The following KSR2 variants were observed in gnomAD, a reference collection of about 807,000 sequenced individuals.
KSR2 encodes kinase suppressor of ras 2.
Under a neutral mutation model 107.8 loss-of-function variants are expected in KSR2, and 25 were observed. That is an observed-to-expected ratio of 0.23 (90% CI 0.17 to 0.32). KSR2 has a LOEUF of 0.32. KSR2 is among the 10% of genes least tolerant of loss of function. KSR2 has a pLI of 1.00. For synonymous variants in KSR2, 480 were observed against 507.0 expected (o/e 0.95, Z 0.71); for missense variants, 887 against 1,268.9 (o/e 0.70, Z 4.57).
At chr12:117,522,901 T>C (rs1184075143) in intron 14 of KSR2, among the ~76,000 whole-genome samples, 2 of 152,118 alleles carry the variant, frequency 1.3e-5, no homozygotes, top group Non-Finnish European at 2.9e-5. Flanking sequence ...GAACTATCCA[T>C]AGGATAGAGA....
chr12:117,717,712 T>TGTGTGTGTGCGCGCGCGC (rs1209120329), intron 4 of KSR2, among the ~76,000 whole-genome samples: 4 of 137,176 alleles, frequency 2.9e-5, no homozygotes, highest in African/African-American at 1.0e-4. Context: ...TGTGTGTGTG[T>TGTGTGTGTGCGCGCGCGC]GCATGCGCGC....
At chr12:117,764,665 A>C (rs980145885) in intron 3 of KSR2, among the ~76,000 whole-genome samples, 1 of 152,194 alleles carries the variant, frequency 6.6e-6, no homozygotes, top group Admixed American at 6.6e-5. Flanking sequence ...ATCTACTCTC[A>C]AATATTGACA....
intron 5 of KSR2, among the ~76,000 whole-genome samples, chr12:117,664,275 C>T (rs1884558557): frequency 6.6e-6 from 1 of 152,194 alleles, no homozygotes; most frequent in African/African-American, 2.4e-5. Flanking sequence ...ACACTACAGC[C>T]AGATCTGCCT....
At chr12:117,619,912 C>T (rs779890741) in intron 5 of KSR2, among the ~76,000 whole-genome samples, 13 of 151,978 alleles carry the variant, frequency 8.6e-5, no homozygotes, top group Admixed American at 1.3e-4. Flanking sequence ...ATGTCCATCT[C>T]CCCAAGAAGA....
intron 4 of KSR2, among the ~76,000 whole-genome samples, chr12:117,738,157 G>A (rs1888017369): frequency 6.6e-6 from 1 of 152,102 alleles, no homozygotes; most frequent in Non-Finnish European, 1.5e-5. Flanking sequence ...TTTAAACTCC[G>A]GCTCCCACAC....
At chr12:117,476,392 G>C in intron 17 of KSR2, 72 bp downstream of exon 17, 6 of 1,472,974 alleles carry the variant, frequency 4.1e-6, no homozygotes, top group Non-Finnish European at 5.4e-6. Context: ...CCTTCCAAAA[G>C]CACTGAAAGA....
chr12:117,922,410 C>T (rs182533547), intron 1 of KSR2, among the ~76,000 whole-genome samples: 2 of 152,286 alleles, frequency 1.3e-5, no homozygotes, highest in African/African-American at 4.8e-5. Flanking sequence ...AAGGAAAGCA[C>T]CGTTCACATA....
At chr12:117,904,711 C>T (rs1214069270) in intron 1 of KSR2, among the ~76,000 whole-genome samples, 2 of 152,124 alleles carry the variant, frequency 1.3e-5, no homozygotes, top group African/African-American at 4.8e-5. Flanking sequence ...TATGCTGAGT[C>T]ACTTAGCCAT....
chr12:117,853,946 G>A (rs544800279), intron 3 of KSR2, among the ~76,000 whole-genome samples: 3 of 152,202 alleles, frequency 2.0e-5, no homozygotes, highest in Non-Finnish European at 4.4e-5. Context: ...AGAGGTCAAG[G>A]ATGCTTCTAA....
chr12:117,882,159 G>A (rs78107675), intron 1 of KSR2, among the ~76,000 whole-genome samples: 33 of 152,262 alleles, frequency 2.2e-4, no homozygotes, highest in Non-Finnish European at 2.9e-4. Context: ...AGACAGGGAC[G>A]TGCACAGCTC....
At chr12:117,554,003 G>A (rs749395775) in intron 9 of KSR2, among the ~76,000 whole-genome samples, 2 of 152,138 alleles carry the variant, frequency 1.3e-5, no homozygotes, top group Non-Finnish European at 2.9e-5. Flanking sequence ...GCAGAACTGA[G>A]AGCCAAATAA....
At chr12:117,948,747 AC>A (rs1430872475) in intron 1 of KSR2, among the ~76,000 whole-genome samples, 1 of 152,212 alleles carries the variant, frequency 6.6e-6, no homozygotes, top group Non-Finnish European at 1.5e-5. Context: ...CACACTATAT[AC>A]CAAAATGTAT....
At chr12:117,719,613 T>G (rs1171160965) in intron 4 of KSR2, among the ~76,000 whole-genome samples, 1 of 152,212 alleles carries the variant, frequency 6.6e-6, no homozygotes, top group Non-Finnish European at 1.5e-5. Flanking sequence ...TTCCCTATTG[T>G]AAATCATTGA....
intron 5 of KSR2, among the ~76,000 whole-genome samples, chr12:117,605,103 T>A (rs774233293): frequency 6.6e-6 from 1 of 152,204 alleles, no homozygotes; most frequent in Non-Finnish European, 1.5e-5. Flanking sequence ...AAAGAAGAGA[T>A]GGAATGAATT....
At chr12:117,929,272 T>G (rs1379771413) in intron 1 of KSR2, among the ~76,000 whole-genome samples, 1 of 152,226 alleles carries the variant, frequency 6.6e-6, no homozygotes, top group Non-Finnish European at 1.5e-5. Flanking sequence ...AATTCCCTTG[T>G]GTTGTGGAAG....
At chr12:117,595,587 T>G (rs4767573) in intron 5 of KSR2, among the ~76,000 whole-genome samples, 94,187 of 151,544 alleles carry the variant, frequency 0.62, 30,599 homozygotes, top group East Asian at 0.78. Context: ...ATGGTCTCGA[T>G]CTCCTGACCT....
At chr12:117,870,848 T>C (rs1471630031) in intron 1 of KSR2, among the ~76,000 whole-genome samples, 2 of 152,182 alleles carry the variant, frequency 1.3e-5, no homozygotes, top group Non-Finnish European at 2.9e-5. Context: ...CCTTGAGTTC[T>C]GGCCTTGCCC....
intron 4 of KSR2, among the ~76,000 whole-genome samples, chr12:117,702,180 C>T (rs911888551): frequency 8.5e-5 from 13 of 152,210 alleles, no homozygotes; most frequent in African/African-American, 2.7e-4. Flanking sequence ...GTTCTATCCT[C>T]CTTCCCCTCA....
intron 5 of KSR2, among the ~76,000 whole-genome samples, chr12:117,642,389 A>C (rs1215680896): frequency 2.0e-5 from 3 of 152,194 alleles, no homozygotes; most frequent in African/African-American, 7.2e-5. Flanking sequence ...AAGTTGTCCT[A>C]GGGGAAAAGC....
Sources: gnomAD v4.1 joint callset for allele counts (sites outside exome capture counted in the v4.1 genomes callset) on GRCh38, gnomAD v4.1.1 for gene constraint, MANE v1.5 for transcripts, NCBI Gene and HGNC (gene_info 2026-07-23, HGNC 2026-07-21) for gene names.